PVT1: variants seen among roughly 807,000 people sequenced by gnomAD.
PVT1 encodes CXCR4/PVT1 fusion.
At chr8:128,077,364 G>A (rs991091997) in intron 5 of PVT1, among the ~76,000 whole-genome samples, 1 of 152,138 alleles carries the variant, frequency 6.6e-6, no homozygotes, top group Non-Finnish European at 1.5e-5. Context: ...GAGCTCGCTG[G>A]GGTAGGTGAC....
At chr8:127,850,988 T>C (rs1471931810) in intron 2 of PVT1, among the ~76,000 whole-genome samples, 4 of 148,202 alleles carry the variant, frequency 2.7e-5, no homozygotes, top group Non-Finnish European at 5.9e-5. Context: ...CTTTGGGTGA[T>C]AGAGGGAGAC....
At chr8:127,813,214 T>A (rs1051110774) in intron 2 of PVT1, among the ~76,000 whole-genome samples, 7 of 139,960 alleles carry the variant, frequency 5.0e-5, no homozygotes, top group Non-Finnish European at 9.1e-5. Context: ...TATACAAATA[T>A]ATATATATAA....
intron 3 of PVT1, among the ~76,000 whole-genome samples, chr8:127,968,565 G>A (rs1281362974): frequency 1.3e-5 from 2 of 152,182 alleles, no homozygotes; most frequent in Non-Finnish European, 2.9e-5. Context: ...CACAATGAGA[G>A]GCCTGGCTTA....
At chr8:127,922,274 CCA>C (rs1298497930) in intron 3 of PVT1, among the ~76,000 whole-genome samples, 28 of 19,358 alleles carry the variant, frequency 1.4e-3, no homozygotes, top group Non-Finnish European at 2.2e-3. Flanking sequence ...TCCAAGATAC[CCA>C]CCCCCCCCCC....
intron 4 of PVT1, among the ~76,000 whole-genome samples, chr8:128,047,951 A>T: frequency 6.6e-6 from 1 of 152,200 alleles, no homozygotes; most frequent in Non-Finnish European, 1.5e-5. Flanking sequence ...TCTTGAAGCT[A>T]TATTAACTAC....
At chr8:127,830,955 T>A (rs1814841386) in intron 2 of PVT1, among the ~76,000 whole-genome samples, 1 of 152,148 alleles carries the variant, frequency 6.6e-6, no homozygotes, top group African/African-American at 2.4e-5. Context: ...GGACTGGCTC[T>A]CCTTGCCCCT....
chr8:127,887,109 G>C (rs145361050), intron 2 of PVT1, among the ~76,000 whole-genome samples: 13 of 152,252 alleles, frequency 8.5e-5, no homozygotes, highest in African/African-American at 2.9e-4. Context: ...AGTGACTTAG[G>C]GAACATTTGT....
intron 3 of PVT1, among the ~76,000 whole-genome samples, chr8:127,983,245 G>A (rs1452525747): frequency 2.6e-5 from 4 of 152,210 alleles, no homozygotes; most frequent in Non-Finnish European, 5.9e-5. Context: ...GCCATGGGCT[G>A]TAGGAACAGT....
At chr8:127,906,568 A>G (rs1437487126) in intron 3 of PVT1, among the ~76,000 whole-genome samples, 1 of 152,094 alleles carries the variant, frequency 6.6e-6, no homozygotes, top group Non-Finnish European at 1.5e-5. Context: ...TGCTTAAAGG[A>G]CACATCTGAT....
At position 128,051,484 on chromosome 8, in the gene PVT1, C is replaced by A. The variant is rs546768988; in HGVS notation, n.913-18676C>A. On this transcript the variant is annotated intron_variant and non_coding_transcript_variant, in intron 4 of 10. Transcript: ENST00000651587. ...TGGATTGAGATGTTTATTTTCCTCTCCAGATTTGGAGAGTTCTATGTATTT... is the reference window on the plus strand; with the variant it reads ...TGGATTGAGATGTTTATTTTCCTCTACAGATTTGGAGAGTTCTATGTATTT... 3.3e-5 allele frequency among the ~76,000 whole-genome samples: 5 copies of A among 152,224 alleles called. No individual in the cohort carries two copies. The East Asian group carries it at 9.6e-4, about 29-fold the overall frequency.
chr8:127,819,652 A>G (rs964904054), intron 2 of PVT1, among the ~76,000 whole-genome samples: 1 of 152,142 alleles, frequency 6.6e-6, no homozygotes, highest in Non-Finnish European at 1.5e-5. Flanking sequence ...TAAGTCGGCT[A>G]ATGACACCCT....
In PVT1 at chr8:127,889,035, T is replaced by TCCTTCCTTCCTTCCTTC. The variant is rs1554594526; in HGVS notation, n.373-1553_373-1552insCTTCCTTCCTTCCTTCC. The stretch of plus-strand genomic sequence containing the variant: ...TCAAACCCCTTTTCCTTTCTCTCTT[T>TCCTTCCTTCCTTCCTTC]CTTTCTTCCTTCCTTCCTTCCTTCC... On this transcript the variant is annotated intron_variant and non_coding_transcript_variant, in intron 2 of 10. Coordinates refer to ENST00000651587, the Ensembl canonical transcript of PVT1. Among the ~76,000 whole-genome samples, 56 of 100,524 alleles carry TCCTTCCTTCCTTCCTTC rather than the reference T, an allele frequency of 5.6e-4. 1 individual carries two copies. The highest frequency in any genetic ancestry group is 8.6e-4 in the Non-Finnish European group (41 of 47,710). The allele number at this position is 100,524 out of a possible 152,430, so 65.9% of individuals were successfully genotyped here.
chr8:127,818,547 C>T (rs146658600), intron 2 of PVT1, among the ~76,000 whole-genome samples: 275 of 152,232 alleles, frequency 1.8e-3, no homozygotes, highest in African/African-American at 6.5e-3. Flanking sequence ...GCTCTGCTGG[C>T]GTTCTGTGTT....
In PVT1 at chr8:127,970,480, T is replaced by C. The variant is rs529923056; in HGVS notation, n.783-18682T>C. Among the ~76,000 whole-genome samples, 12 of 152,060 alleles carry C rather than the reference T, an allele frequency of 7.9e-5. No homozygotes were observed. The East Asian group carries it at 1.6e-3, about 20-fold the overall frequency. On this transcript the variant is annotated intron_variant and non_coding_transcript_variant, in intron 3 of 10. Transcript: ENST00000651587. ...GCCTGGCTAATTTTTTTTGTATTTT[T>C]AATAGAGATAGGGTTTCACCGTGTT...
At chr8:128,020,294 C>T (rs573684901) in intron 4 of PVT1, among the ~76,000 whole-genome samples, 2 of 152,322 alleles carry the variant, frequency 1.3e-5, no homozygotes, top group Admixed American at 6.5e-5. Flanking sequence ...ATTAAGGTTA[C>T]TAATCAATTG....
At chr8:128,074,303 G>A (rs377162354) in intron 5 of PVT1, among the ~76,000 whole-genome samples, 57 of 152,036 alleles carry the variant, frequency 3.7e-4, no homozygotes, top group African/African-American at 1.4e-3. Flanking sequence ...TCAGGAGTTC[G>A]AGACCAGCCT....
chr8:127,835,693 A>G (rs1814902047), intron 2 of PVT1, among the ~76,000 whole-genome samples: 2 of 152,192 alleles, frequency 1.3e-5, no homozygotes, highest in Admixed American at 1.3e-4. Flanking sequence ...AATCCTGAGC[A>G]GCCTGTTCCT....
chr8:127,821,235 C>G (rs1482189943), intron 2 of PVT1, among the ~76,000 whole-genome samples: 5 of 152,130 alleles, frequency 3.3e-5, no homozygotes, highest in Non-Finnish European at 7.4e-5. Flanking sequence ...CAAGTAGTAG[C>G]TAGGCCTGTG....
At chr8:127,921,118 G>A (rs929272329) in intron 3 of PVT1, among the ~76,000 whole-genome samples, 2 of 152,194 alleles carry the variant, frequency 1.3e-5, no homozygotes, top group Non-Finnish European at 2.9e-5. Context: ...GAAATTGCAC[G>A]TTTTGTACCA....
Sources: allele counts gnomAD v4.1 joint callset (sites outside exome capture counted in the v4.1 genomes callset), GRCh38; gene constraint gnomAD v4.1.1; transcripts MANE v1.5; gene names NCBI Gene and HGNC (gene_info 2026-07-23, HGNC 2026-07-21).